ZNF721: variants seen among roughly 807,000 people sequenced by gnomAD.
ZNF721 encodes the protein zinc finger protein 721.
Under a neutral mutation model 2.4 loss-of-function variants are expected in ZNF721, and 2 were observed. The observed-to-expected ratio is 0.82, with a 90% confidence interval of 0.34 to 2.58. ZNF721 has a LOEUF of 2.58. ZNF721 is among the 30% of genes most tolerant of loss of function. The probability of loss-of-function intolerance (pLI) is 0.11; values close to 1 mark genes in which losing one functional copy is unlikely to be tolerated. For missense variants in ZNF721, 1,187 were observed against 1,085.5 expected (o/e 1.09, Z -1.31); for synonymous variants, 398 against 381.8 (o/e 1.04, Z -0.50).
At chr4:450,318 C>A (rs1309425047) in intron 2 of ZNF721, among the ~76,000 whole-genome samples, 1 of 152,022 alleles carries the variant, frequency 6.6e-6, no homozygotes, top group Non-Finnish European at 1.5e-5. Context: ...TATATATACA[C>A]AATAAAATAG....
chr4:456,417 G>C (rs533384144), intron 2 of ZNF721, among the ~76,000 whole-genome samples: 90 of 152,234 alleles, frequency 5.9e-4, no homozygotes, highest in African/African-American at 2.1e-3. Context: ...ATTTATAAAG[G>C]CAAACATCAC....
intron 1 of ZNF721, among the ~76,000 whole-genome samples, chr4:479,760 TG>T (rs1715728222): frequency 6.6e-6 from 1 of 152,216 alleles, no homozygotes; most frequent in South Asian, 2.1e-4. Context: ...TTGTGGTCTG[TG>T]AAGCCAGAGG....
chr4:466,147 C>T (rs1473389445), intron 2 of ZNF721, among the ~76,000 whole-genome samples: 1 of 151,916 alleles, frequency 6.6e-6, no homozygotes, highest in Non-Finnish European at 1.5e-5. Context: ...TGCAGAACTC[C>T]TCGTTGGTTT....
chr4:494,532 T>G (rs1716102300), intron 1 of ZNF721, among the ~76,000 whole-genome samples: 1 of 152,108 alleles, frequency 6.6e-6, no homozygotes, highest in South Asian at 2.1e-4. Context: ...TTTTCCTATT[T>G]TAGACTTTCA....
chr4:450,990 T>A (rs1714643595), intron 2 of ZNF721, among the ~76,000 whole-genome samples: 3 of 67,820 alleles, frequency 4.4e-5, no homozygotes, highest in African/African-American at 5.0e-5. Flanking sequence ...TATATATATA[T>A]ATATATCCCA....
At position 443,352 on chromosome 4, in the gene ZNF721, C is replaced by A. The variant is rs199758490; in HGVS notation, c.1115G>T (p.Arg372Leu). The A allele has an allele frequency of 6.2e-7, 1 of 1,612,696 alleles. No individual in the cohort carries two copies. The highest frequency in any genetic ancestry group is 8.5e-7 in the Non-Finnish European group (1 of 1,179,610). Residue 372 changes from arginine to leucine, a missense_variant, in exon 3 of 3, where the codon CGG becomes CTG. Transcript: ENST00000511833. The stretch of plus-strand genomic sequence containing the variant: ...CTTGTGTTGATTCAGGGCTGTGTAC[C>A]GTCCAAAGGCTTTGCCACAGTCTTC... ...KCEDCGKAFG[R>L]YTALNQHKKI...
At chr4:494,585 T>C (rs1393216778) in intron 1 of ZNF721, among the ~76,000 whole-genome samples, 1 of 152,206 alleles carries the variant, frequency 6.6e-6, no homozygotes. Flanking sequence ...AGTTGTCAGC[T>C]AAGTAGTCTT....
Position 441,787 on chromosome 4 carries a change from T to C in ZNF721, c.2680A>G (p.Thr894Ala). The C allele has an allele frequency of 6.2e-7, 1 of 1,613,778 alleles. No individual in the cohort carries two copies. Among genetic ancestry groups the C allele is most frequent in the Non-Finnish European group, 8.5e-7 (1 of 1,179,876 alleles). ...KKIHTGEKPY[T>A]CGDCGKTFRQ... ...AAGGTTTTGCCACAGTCTCCACACG[T>C]GTAGGGTTTCTCTCCAGTATGAATT... The change falls in exon 3 of 3, where the codon ACG (threonine) becomes GCG (alanine). Residue 894 changes from threonine to alanine, a missense_variant. Transcript: ENST00000511833.
At chr4:475,728 G>C (rs1211053790) in intron 1 of ZNF721, among the ~76,000 whole-genome samples, 4 of 150,586 alleles carry the variant, frequency 2.7e-5, no homozygotes, top group Non-Finnish European at 5.9e-5. Flanking sequence ...TACAAGAATG[G>C]CCAACCTCTT....
chr4:479,064 GC>G (rs1398064175), intron 1 of ZNF721, among the ~76,000 whole-genome samples: 1 of 152,246 alleles, frequency 6.6e-6, no homozygotes, highest in East Asian at 1.9e-4. Flanking sequence ...ACCGCGCCCG[GC>G]CCAAGTTAAT....
intron 2 of ZNF721, among the ~76,000 whole-genome samples, chr4:455,777 T>C (rs1466074393): frequency 1.3e-5 from 2 of 152,156 alleles, no homozygotes; most frequent in African/African-American, 2.4e-5. Flanking sequence ...AACTTTACTT[T>C]TGTAAGACAA....
chr4:479,233 C>T (rs1553869045), intron 1 of ZNF721, among the ~76,000 whole-genome samples: 2 of 152,038 alleles, frequency 1.3e-5, no homozygotes, highest in African/African-American at 4.8e-5. Flanking sequence ...TAGATCTCCC[C>T]CTGGCAACCC....
At chr4:489,210 C>G (rs1553871071) in intron 1 of ZNF721, among the ~76,000 whole-genome samples, 3 of 152,132 alleles carry the variant, frequency 2.0e-5, no homozygotes, top group Non-Finnish European at 4.4e-5. Context: ...TGTGGTCAAC[C>G]CCAGGCATGC....
chr4:443,742 A>T lies in ZNF721; in HGVS notation c.725T>A (p.Ile242Asn). Residue 242 changes from isoleucine to asparagine, a missense_variant, in exon 3 of 3, where the codon ATT becomes AAT. By Grantham distance (149) the Ile-to-Asn change is moderately radical. Transcript: ENST00000511833. ...HSSHLNKHEK[I>N]HTGEKPYKCK... ...TTTGTAGGGTTTCTCTCCAGTATGA[A>T]TTTTCTCATGTTTATTCAGGTGTGA... The T allele has an allele frequency of 6.2e-7, 1 of 1,613,976 alleles. No homozygotes were observed. The highest frequency in any genetic ancestry group is 8.5e-7 in the Non-Finnish European group (1 of 1,179,972).
Position 443,748 on chromosome 4 carries a change from T to A in ZNF721, c.719A>T (p.Glu240Val), listed in dbSNP as rs781896562. The stretch of plus-strand genomic sequence containing the variant: ...GGGTTTCTCTCCAGTATGAATTTTC[T>A]CATGTTTATTCAGGTGTGAGGAATG... ...FMHSSHLNKHEKIHTGEKPYK... is the reference protein window; with the variant it reads ...FMHSSHLNKHVKIHTGEKPYK... Residue 240 changes from glutamate to valine, a missense_variant, in exon 3 of 3, where the codon GAG (glutamate) becomes GTG (valine). Physicochemically the swap from Glu to Val is moderately radical, Grantham distance 121 (BLOSUM62 -2). Transcript: ENST00000511833. 6.2e-7 allele frequency: 1 copy of A among 1,614,088 alleles called. No homozygotes were observed.
chr4:492,198 A>G (rs980332494), intron 1 of ZNF721, among the ~76,000 whole-genome samples: 1 of 151,810 alleles, frequency 6.6e-6, no homozygotes, highest in Non-Finnish European at 1.5e-5. Flanking sequence ...CAAAAAAAAA[A>G]CCTTAAATTT....
At chr4:450,162 G>A (rs1553864695) in intron 2 of ZNF721, among the ~76,000 whole-genome samples, 2 of 151,920 alleles carry the variant, frequency 1.3e-5, no homozygotes, top group Non-Finnish European at 2.9e-5. Context: ...TGGAACATAT[G>A]TAAGTTCTAT....
At chr4:473,424 A>T (rs1715502029) in intron 1 of ZNF721, among the ~76,000 whole-genome samples, 1 of 152,144 alleles carries the variant, frequency 6.6e-6, no homozygotes, top group Non-Finnish European at 1.5e-5. Context: ...GCCACTCGGG[A>T]GCAGCCACGC....
intron 1 of ZNF721, among the ~76,000 whole-genome samples, chr4:488,894 G>T (rs1346489616): frequency 6.6e-6 from 1 of 152,078 alleles, no homozygotes; most frequent in Non-Finnish European, 1.5e-5. Flanking sequence ...GAGGCAGTCA[G>T]AGGCTGGTTA....
Sources: gnomAD v4.1 joint callset for allele counts (sites outside exome capture counted in the v4.1 genomes callset) on GRCh38, gnomAD v4.1.1 for gene constraint, MANE v1.5 for transcripts, NCBI Gene and HGNC (gene_info 2026-07-23, HGNC 2026-07-21) for gene names.